Variants in TNFRSF10C observed in about 807,000 individuals in gnomAD.
The protein encoded by TNFRSF10C is TNF receptor superfamily member 10c, also known as tumor necrosis factor receptor superfamily member 10C.
TNFRSF10C carries 17 observed loss-of-function variants against 16.7 expected under a neutral mutation model. The ratio of observed to expected loss-of-function variants is 1.02; its 90% CI spans 0.70 to 1.53. The LOEUF is 1.53. TNFRSF10C is among the 40% of genes most tolerant of loss of function. The probability of loss-of-function intolerance (pLI) is 0.00; values close to 1 mark genes in which losing one functional copy is unlikely to be tolerated. For synonymous variants in TNFRSF10C, 73 were observed against 119.7 expected (o/e 0.61, Z 2.55); for missense variants, 237 against 329.7 (o/e 0.72, Z 2.18).
Position 23,117,053 on chromosome 8 carries a change from T to G in TNFRSF10C, c.*22T>G, listed in dbSNP as rs766998424. On this transcript the variant is annotated 3_prime_UTR_variant, in exon 5 of 5. Coordinates refer to ENST00000356864, the MANE Select transcript of TNFRSF10C (RefSeq NM_003841.5). ...TTGAAAGACTTCACTGTGGAAGAAA[T>G]TCCTTCCTTACCTGAAAGGTTCAGG... The G allele has an allele frequency of 6.8e-6, 11 of 1,609,388 alleles. 1 individual carries two copies. In the South Asian group the frequency reaches 1.2e-4, roughly 18 times the overall value.
chr8:23,106,829 A>C (rs1376213526), intron 1 of TNFRSF10C, among the ~76,000 whole-genome samples: 2 of 152,092 alleles, frequency 1.3e-5, no homozygotes, highest in Non-Finnish European at 2.9e-5. Context: ...TACTGAAAAT[A>C]CAAAACAATT....
rs1308010950 is a variant in TNFRSF10C at position 23,116,806 on chromosome 8, C to CA, written c.556dup (p.Ser186LysfsTer10). 6.2e-7 allele frequency: 1 copy of CA among 1,612,906 alleles called. No homozygotes were observed. On this transcript the variant is annotated frameshift_variant, in exon 5 of 5. Transcript: ENST00000356864. LOFTEE classifies it low-confidence loss of function (END_TRUNC). ...CAGCTGCTGAAGAGACAATGAACAC[C>CA]AGCCCGGGGACTCCTGCCCCAGCTG...
chr8:23,111,221 T>C (rs1813871834), intron 1 of TNFRSF10C, among the ~76,000 whole-genome samples: 2 of 148,808 alleles, frequency 1.3e-5, no homozygotes, highest in Admixed American at 6.7e-5. Flanking sequence ...CATTTTTTCT[T>C]TTTTTTTTTT....
chr8:23,111,719 G>A lies in TNFRSF10C; in HGVS notation c.61-1G>A, dbSNP rs1813880674. The A allele has an allele frequency of 6.2e-7, 1 of 1,613,868 alleles. No homozygotes were observed. Among genetic ancestry groups the A allele is most frequent in the Non-Finnish European group, 8.5e-7 (1 of 1,179,858 alleles). On this transcript the variant is annotated splice_acceptor_variant, in intron 1 of 4. Coordinates refer to ENST00000356864, the MANE Select transcript of TNFRSF10C (RefSeq NM_003841.5). LOFTEE classifies it high-confidence loss of function. ...CACCCATCACTCCTTTGTCCCCACAGGTCCTAGCTTACTCTGCCACCACTG... is the reference window on the plus strand; with the variant it reads ...CACCCATCACTCCTTTGTCCCCACAAGTCCTAGCTTACTCTGCCACCACTG...
intron 3 of TNFRSF10C, 75 bp downstream of exon 3, chr8:23,114,845 C>G: frequency 5.4e-6 from 7 of 1,301,334 alleles, no homozygotes; most frequent in Non-Finnish European, 7.8e-6. Context: ...CGATATGAGT[C>G]AGGGAACCAA....
At chr8:23,113,385 T>C (rs545004815) in intron 2 of TNFRSF10C, among the ~76,000 whole-genome samples, 6 of 152,234 alleles carry the variant, frequency 3.9e-5, no homozygotes, top group Non-Finnish European at 8.8e-5. Context: ...ACCAACATCA[T>C]GAAAATTTTC....
rs1374231194 is a variant in TNFRSF10C, at chr8:23,117,064, C to A, written c.*33C>A. The A allele has an allele frequency of 6.2e-7, 1 of 1,605,394 alleles. No homozygotes were observed. Among genetic ancestry groups the A allele is most frequent in the African/African-American group, 1.3e-5 (1 of 74,742 alleles). ...CACTGTGGAAGAAATTCCTTCCTTACCTGAAAGGTTCAGGTAGGCGCTGGC... is the reference window on the plus strand; with the variant it reads ...CACTGTGGAAGAAATTCCTTCCTTAACTGAAAGGTTCAGGTAGGCGCTGGC... On this transcript the variant is annotated 3_prime_UTR_variant, in exon 5 of 5. Transcript: ENST00000356864.
At chr8:23,115,046 C>T (rs1446092130) in intron 3 of TNFRSF10C, among the ~76,000 whole-genome samples, 29 of 151,300 alleles carry the variant, frequency 1.9e-4, no homozygotes, top group African/African-American at 6.4e-4. Context: ...GGCTAGGTTT[C>T]AGTAGTGGCA....
At chr8:23,103,413 C>A in intron 1 of TNFRSF10C, 2 of 697,316 alleles carry the variant, frequency 2.9e-6, no homozygotes, top group Non-Finnish European at 4.8e-6. Flanking sequence ...CCCGAGCCCG[C>A]GAAGGGAGGG....
At chr8:23,110,164 G>A (rs971613062) in intron 1 of TNFRSF10C, among the ~76,000 whole-genome samples, 3 of 151,444 alleles carry the variant, frequency 2.0e-5, no homozygotes, top group Non-Finnish European at 4.4e-5. Flanking sequence ...TTAAATGAGA[G>A]GGAGTAAGAG....
In TNFRSF10C at chr8:23,117,252, TG is replaced by T; in HGVS notation, c.*223del. 1.5e-6 allele frequency: 1 copy of T among 685,910 alleles called. No homozygotes were observed. Among genetic ancestry groups the T allele is most frequent in the Admixed American group, 3.0e-5 (1 of 33,486 alleles). 42.5% of individuals were successfully genotyped at this position (685,910 alleles called of 1,614,324 possible). A position where few individuals can be genotyped will look rare whatever the true frequency, so the allele number is the denominator to read the frequency against. On this transcript the variant is annotated 3_prime_UTR_variant, in exon 5 of 5. Transcript: ENST00000356864. ...ACATCCCGTGCACCCCCCAGGACCC[TG>T]GTCTCATCAGTCCCTCTCCTGGAGC...
At chr8:23,108,277 T>TG (rs35465395) in intron 1 of TNFRSF10C, among the ~76,000 whole-genome samples, 4,147 of 152,236 alleles carry the variant, frequency 0.027, 77 homozygotes, top group Middle Eastern at 0.082. Context: ...CCGCCTGAGT[T>TG]GGGGTTTTAT....
chr8:23,103,426 G>T, intron 1 of TNFRSF10C: 1 of 661,100 alleles, frequency 1.5e-6, no homozygotes, highest in Non-Finnish European at 2.6e-6. Context: ...AGGGAGGGAA[G>T]TTCCAGAATC....
At position 23,117,240 on chromosome 8, in the gene TNFRSF10C, C is replaced by A; in HGVS notation, c.*209C>A. ...CGTCCCATCCCCACATCCCGTGCAC[C>A]CCCCAGGACCCTGGTCTCATCAGTC... On this transcript the variant is annotated 3_prime_UTR_variant, in exon 5 of 5. Transcript: ENST00000356864. The A allele has an allele frequency of 1.4e-6, 1 of 732,220 alleles. No homozygotes were observed. The allele number at this position is 732,220 out of a possible 1,614,324, so 45.4% of individuals were successfully genotyped here.
intron 2 of TNFRSF10C, among the ~76,000 whole-genome samples, chr8:23,113,247 T>C (rs968269207): frequency 3.3e-5 from 5 of 152,236 alleles, no homozygotes; most frequent in Non-Finnish European, 7.3e-5. Context: ...TTCTGTAGGT[T>C]GTCTCTTCAC....
In TNFRSF10C at chr8:23,111,586, T is replaced by A. The variant is rs144550442; in HGVS notation, c.61-134T>A. On this transcript the variant is annotated intron_variant, in intron 1 of 4. Coordinates refer to ENST00000356864, the MANE Select transcript of TNFRSF10C (RefSeq NM_003841.5). ...AGGGACAAACACAGGTATGAAAGAA[T>A]GAAAGTTTGGAGCTGGAAAAAATGT... The A allele has an allele frequency of 2.2e-3, 1,599 of 711,668 alleles. 25 individuals are homozygous for A. The African/African-American group carries it at 0.025, about 11-fold the overall frequency. 44.1% of individuals were successfully genotyped at this position (711,668 alleles called of 1,614,324 possible). A position where few individuals can be genotyped will look rare whatever the true frequency, so the allele number is the denominator to read the frequency against.
chr8:23,103,166 C>T lies in TNFRSF10C; in HGVS notation c.45C>T (p.Val15=). The T allele has an allele frequency of 3.7e-6, 6 of 1,611,536 alleles. No homozygotes were observed. Among genetic ancestry groups the T allele is most frequent in the Non-Finnish European group, 5.1e-6 (6 of 1,179,150 alleles). Residue 15 remains valine, a synonymous_variant, in exon 1 of 5, where the codon GTC becomes GTT. Coordinates refer to ENST00000356864, the MANE Select transcript of TNFRSF10C (RefSeq NM_003841.5). ...PKTLKFVVVI[V]AVLLPVLAYS... ...CCCTAAAGTTCGTCGTCGTCATCGT[C>T]GCGGTCCTGCTGCCAGTGAGTCCCG...
chr8:23,112,806 T>C (rs1813904801), intron 2 of TNFRSF10C, among the ~76,000 whole-genome samples: 2 of 152,268 alleles, frequency 1.3e-5, no homozygotes, highest in African/African-American at 4.8e-5. Flanking sequence ...TTCAATATAC[T>C]GACGTCATTT....
chr8:23,102,990 G>C lies in TNFRSF10C; in HGVS notation c.-132G>C. ...AACGATTTCTGATAGATTTTTGGGA[G>C]TTTGACCAGAGATGCAAGGGGTGAA... On this transcript the variant is annotated 5_prime_UTR_variant, in exon 1 of 5. Coordinates refer to ENST00000356864, the MANE Select transcript of TNFRSF10C (RefSeq NM_003841.5). 2 of 1,535,294 alleles carry C rather than the reference G, an allele frequency of 1.3e-6. No homozygotes were observed. Among genetic ancestry groups the C allele is most frequent in the Non-Finnish European group, 1.8e-6 (2 of 1,136,146 alleles).
Sources: gnomAD v4.1 joint callset for allele counts (sites outside exome capture counted in the v4.1 genomes callset) on GRCh38, gnomAD v4.1.1 for gene constraint, MANE v1.5 for transcripts, NCBI Gene and HGNC (gene_info 2026-07-23, HGNC 2026-07-21) for gene names.